ZNF138: variants seen among roughly 807,000 people sequenced by gnomAD.
ZNF138 encodes the protein zinc finger protein 138 (clone pHZ-32).
Under a neutral mutation model 33.0 loss-of-function variants are expected in ZNF138, and 33 were observed. That is an observed-to-expected ratio of 1.00 (90% CI 0.76 to 1.34). The LOEUF (loss-of-function observed/expected upper bound fraction) is 1.34. ZNF138 is among the 40% of genes most tolerant of loss of function. ZNF138 has a pLI of 0.00. For missense variants in ZNF138, 360 were observed against 370.8 expected (o/e 0.97, Z 0.24); for synonymous variants, 139 against 120.4 (o/e 1.15, Z -1.01).
rs970236790 is a variant in ZNF138 at position 64,832,614 on chromosome 7, C to A, written c.*412C>A. On this transcript the variant is annotated 3_prime_UTR_variant, in exon 4 of 4. Transcript: ENST00000307355. ...TGAAGAATGTGGCAAAGCTTTTAAC[C>A]AGTCCTCACACCTTATGAGACATAA... The A allele has an allele frequency of 2.0e-6, 1 of 496,326 alleles. No homozygotes were observed. The highest frequency in any genetic ancestry group is 1.7e-5 in the South Asian group (1 of 60,252). The allele number at this position is 496,326 out of a possible 1,614,324, so 30.7% of individuals were successfully genotyped here. A position where few individuals can be genotyped will look rare whatever the true frequency, so the allele number is the denominator to read the frequency against.
intron 1 of ZNF138, among the ~76,000 whole-genome samples, chr7:64,804,392 T>C (rs981682320): frequency 6.6e-6 from 1 of 152,194 alleles, no homozygotes; most frequent in African/African-American, 2.4e-5. Flanking sequence ...CTTGGAGTTG[T>C]GAGCCCTTAA....
At chr7:64,829,121 A>G (rs752692029) in intron 3 of ZNF138, among the ~76,000 whole-genome samples, 7 of 152,120 alleles carry the variant, frequency 4.6e-5, no homozygotes, top group Non-Finnish European at 8.8e-5. Flanking sequence ...TTGGCCTACC[A>G]AGTGTTCTAT....
At chr7:64,798,907 C>CT (rs34358558) in intron 1 of ZNF138, among the ~76,000 whole-genome samples, 3,028 of 130,138 alleles carry the variant, frequency 0.023, 90 homozygotes, top group African/African-American at 0.063. Context: ...TTCTATGAGC[C>CT]TTTTTTTTTT....
At position 64,825,154 on chromosome 7, in the gene ZNF138, CTTTTTTTTTTTTTTTTTTTTTT is replaced by C. The variant is rs71061316; in HGVS notation, c.209-6282_209-6261del. Among the ~76,000 whole-genome samples the C allele has an allele frequency of 3.5e-4, 16 of 46,020 alleles. 1 individual carries two copies. The highest frequency in any genetic ancestry group is 1.2e-3 in the African/African-American group (12 of 10,274). The allele number at this position is 46,020 out of a possible 152,430, so 30.2% of individuals were successfully genotyped here. A position where few individuals can be genotyped will look rare whatever the true frequency, so the allele number is the denominator to read the frequency against. ...TCTTGTAGGCCGCATGTTGTATGCT[CTTTTTTTTTTTTTTTTTTTTTT>C]TTTTTTTTTTTTTTGAGACGGAGTC... is the stretch of plus-strand genomic sequence containing the variant. On this transcript the variant is annotated intron_variant, in intron 3 of 3. Coordinates refer to ENST00000307355, the MANE Select transcript of ZNF138 (RefSeq NM_001271639.2).
intron 1 of ZNF138, 114 bp downstream of exon 1, chr7:64,794,685 C>A: frequency 6.6e-7 from 1 of 1,507,174 alleles, no homozygotes; most frequent in Non-Finnish European, 9.1e-7. Flanking sequence ...AAATCCGCGG[C>A]CCCGAGTTCT....
chr7:64,814,054 T>G lies in ZNF138; in HGVS notation c.4-864T>G, dbSNP rs923693504. Reference sequence around the variant, plus strand: ...GAAAATCAAGGCTCTCATCTTTGTTTACAGGCCAGAAAAACTGGGAAAATC... The same window carrying G: ...GAAAATCAAGGCTCTCATCTTTGTTGACAGGCCAGAAAAACTGGGAAAATC... On this transcript the variant is annotated intron_variant, in intron 1 of 3. Coordinates refer to ENST00000307355, the MANE Select transcript of ZNF138 (RefSeq NM_001271639.2). The G allele has an allele frequency of 8.3e-6, 10 of 1,208,438 alleles. No individual in the cohort carries two copies. In the East Asian group the frequency reaches 4.0e-4, roughly 49 times the overall value. 74.9% of individuals were successfully genotyped at this position (1,208,438 alleles called of 1,614,324 possible).
the ZNF138 span, among the ~76,000 whole-genome samples, chr7:64,841,865 A>AG: frequency 6.6e-6 from 1 of 152,212 alleles, no homozygotes; most frequent in Non-Finnish European, 1.5e-5. Context: ...TTAAGATAAA[A>AG]CGCATACACT....
the ZNF138 span, among the ~76,000 whole-genome samples, chr7:64,851,844 T>A: frequency 3.3e-5 from 5 of 152,212 alleles, no homozygotes; most frequent in Non-Finnish European, 7.3e-5. Context: ...CTGAATGCAC[T>A]ACTGGAGAAT....
At chr7:64,818,490 G>A (rs1015874258) in intron 3 of ZNF138, among the ~76,000 whole-genome samples, 1 of 151,976 alleles carries the variant, frequency 6.6e-6, no homozygotes, top group Non-Finnish European at 1.5e-5. Flanking sequence ...GGTGGCTCAC[G>A]CCTGTAATCC....
At chr7:64,843,759 T>A in the ZNF138 span, among the ~76,000 whole-genome samples, 1 of 152,208 alleles carries the variant, frequency 6.6e-6, no homozygotes, top group Non-Finnish European at 1.5e-5. Context: ...AGCAGCTTTT[T>A]AATTTGAACT....
chr7:64,829,824 A>C (rs1789936763), intron 3 of ZNF138, among the ~76,000 whole-genome samples: 1 of 148,070 alleles, frequency 6.8e-6, no homozygotes, highest in African/African-American at 2.5e-5. Context: ...TTATAATGGT[A>C]AGGAATTCCA....
chr7:64,847,492 TC>T, the ZNF138 span, among the ~76,000 whole-genome samples: 2 of 152,128 alleles, frequency 1.3e-5, no homozygotes, highest in Admixed American at 6.5e-5. Flanking sequence ...CTATCTCATT[TC>T]CTAGGTCTAG....
chr7:64,795,244 T>A (rs1786591331), intron 1 of ZNF138, among the ~76,000 whole-genome samples: 1 of 152,110 alleles, frequency 6.6e-6, no homozygotes, highest in African/African-American at 2.4e-5. Context: ...TACAAAAAAA[T>A]GCATTTGAGT....
chr7:64,843,704 AT>A, the ZNF138 span, among the ~76,000 whole-genome samples: 140,106 of 152,124 alleles, frequency 0.92, 65,605 homozygotes, highest in Non-Finnish European at 1. Context: ...TATTTTCTCC[AT>A]TTTTTTAGTT....
intron 3 of ZNF138, among the ~76,000 whole-genome samples, chr7:64,828,306 C>T (rs1789810772): frequency 6.6e-6 from 1 of 151,916 alleles, no homozygotes; most frequent in South Asian, 2.1e-4. Context: ...GATGTTTTTA[C>T]CTTGCAAAGC....
chr7:64,814,105 T>C, intron 1 of ZNF138: 1 of 1,227,526 alleles, frequency 8.1e-7, no homozygotes, highest in Non-Finnish European at 1.0e-6. Context: ...TACTGGATAT[T>C]TAACAAGATA....
At chr7:64,853,265 G>T in the ZNF138 span, 1 of 1,610,494 alleles carries the variant, frequency 6.2e-7, no homozygotes, top group South Asian at 1.1e-5. Flanking sequence ...GCACTTTGTA[G>T]CCTGTGCCCT....
the ZNF138 span, among the ~76,000 whole-genome samples, chr7:64,854,339 C>T: frequency 5.9e-5 from 9 of 152,158 alleles, no homozygotes; most frequent in African/African-American, 1.9e-4. Context: ...CTCCCAGGTT[C>T]GACTGATTGT....
intron 3 of ZNF138, among the ~76,000 whole-genome samples, chr7:64,817,244 G>C (rs1483760422): frequency 1.3e-5 from 2 of 152,236 alleles, no homozygotes; most frequent in African/African-American, 4.8e-5. Context: ...CTGCCTGCAT[G>C]GCGGTAAATG....
Sources: allele counts gnomAD v4.1 joint callset (sites outside exome capture counted in the v4.1 genomes callset), GRCh38; gene constraint gnomAD v4.1.1; transcripts MANE v1.5; gene names NCBI Gene and HGNC (gene_info 2026-07-23, HGNC 2026-07-21).